CRTAP: variants seen among roughly 807,000 people sequenced by gnomAD.
The protein encoded by CRTAP is cartilage associated protein, also known as cartilage-associated protein.
A neutral mutation model predicts 42.7 loss-of-function variants in CRTAP; 33 were observed. The ratio of observed to expected loss-of-function variants is 0.77; its 90% CI spans 0.59 to 1.03. The LOEUF is 1.03. Ranked by LOEUF, CRTAP falls within the 50% of genes least tolerant of loss-of-function variation. CRTAP has a pLI of 0.00. For synonymous variants in CRTAP, 243 were observed against 217.7 expected (o/e 1.12, Z -1.02); for missense variants, 613 against 533.9 (o/e 1.15, Z -1.46).
chr3:33,115,177 C>G (rs1246125310), intron 1 of CRTAP: 1 of 152,262 alleles, frequency 6.6e-6, no homozygotes, highest in Non-Finnish European at 1.5e-5. Flanking sequence ...AACTCCCGGA[C>G]TCAAGTGATC....
intron 2 of CRTAP, among the ~76,000 whole-genome samples, chr3:33,122,019 C>T (rs989774923): frequency 1.1e-4 from 16 of 152,310 alleles, no homozygotes; most frequent in African/African-American, 2.2e-4. Flanking sequence ...ATTTCACTTC[C>T]TGCCTTTCCA....
chr3:33,126,982 A>G (rs2125601440), intron 3 of CRTAP, among the ~76,000 whole-genome samples: 1 of 152,302 alleles, frequency 6.6e-6, no homozygotes, highest in East Asian at 1.9e-4. Flanking sequence ...GAAACAACAG[A>G]GCAAAGGAAA....
At position 33,144,706 on chromosome 3, in the gene CRTAP, A is replaced by G. The variant is rs2030674860; in HGVS notation, c.*2258A>G. ...CAGCATGTCAGTGGCATTTAAAGCC[A>G]TGCAGCTGGAGGGGCCACTGAGATT... On this transcript the variant is annotated 3_prime_UTR_variant, in exon 7 of 7. Transcript: ENST00000320954. 1 of 152,228 alleles carries G rather than the reference A, an allele frequency of 6.6e-6. No individual in the cohort carries two copies. Among genetic ancestry groups the G allele is most frequent in the Admixed American group, 6.5e-5 (1 of 15,276 alleles). The allele number at this position is 152,228 out of a possible 1,614,324, so 9.4% of individuals were successfully genotyped here.
intron 5 of CRTAP, among the ~76,000 whole-genome samples, chr3:33,133,001 CCA>C (rs1439580076): frequency 6.5e-5 from 4 of 61,506 alleles, no homozygotes; most frequent in African/African-American, 3.8e-4. Context: ...TCGCTTGAAC[CCA>C]GGGGCAGAGG....
chr3:33,134,376 C>G, intron 6 of CRTAP, 111 bp downstream of exon 6: 1 of 772,868 alleles, frequency 1.3e-6, no homozygotes, highest in Admixed American at 1.9e-5. Flanking sequence ...ACAGAGGGGA[C>G]CTTGAGAAAG....
Position 33,129,974 on chromosome 3 carries a change from T to C in CRTAP, c.829T>C (p.Cys277Arg). 1 of 1,613,366 alleles carries C rather than the reference T, an allele frequency of 6.2e-7. No individual in the cohort carries two copies. The highest frequency in any genetic ancestry group is 1.1e-5 in the South Asian group (1 of 91,072). ...YVEVLECKIQ[C>R]EENLTPVIGG... ...AGAAGTTCTGGAATGCAAAATACAG[T>C]GTGAAGAGAACCTCACCCCAGTTAT... The change falls in exon 4 of 7, where the codon TGT becomes CGT. Residue 277 changes from cysteine to arginine, a missense_variant. Transcript: ENST00000320954.
At chr3:33,119,367 C>G (rs1559432616) in intron 1 of CRTAP, among the ~76,000 whole-genome samples, 1 of 152,092 alleles carries the variant, frequency 6.6e-6, no homozygotes, top group Non-Finnish European at 1.5e-5. Flanking sequence ...GATAGACGTA[C>G]CACTGAGATT....
At position 33,114,326 on chromosome 3, in the gene CRTAP, C is replaced by T. The variant is rs781058476; in HGVS notation, c.249C>T (p.Phe83=). 4 of 1,541,796 alleles carry T rather than the reference C, an allele frequency of 2.6e-6. No homozygotes were observed. The highest frequency in any genetic ancestry group is 8.7e-7 in the Non-Finnish European group (1 of 1,151,872). The change falls in exon 1 of 7, where the codon TTC becomes TTT. Residue 83 remains phenylalanine, a synonymous_variant. Coordinates refer to ENST00000320954, the MANE Select transcript of CRTAP (RefSeq NM_006371.5). ...LHRLLRDSEA[F]CHRNCSAAPQ... is the part of the protein sequence containing the mutation. ...GCTTGCTGCGCGACAGCGAGGCCTT[C>T]TGCCACCGCAACTGCAGCGCCGCGC...
At chr3:33,129,448 T>C (rs1221112625) in intron 3 of CRTAP, among the ~76,000 whole-genome samples, 2 of 152,138 alleles carry the variant, frequency 1.3e-5, no homozygotes, top group Admixed American at 1.3e-4. Flanking sequence ...ATATAGTGGA[T>C]GTTCATCTTT....
intron 2 of CRTAP, among the ~76,000 whole-genome samples, chr3:33,123,954 C>T (rs1165111900): frequency 2.0e-5 from 3 of 152,128 alleles, no homozygotes; most frequent in South Asian, 2.1e-4. Flanking sequence ...TATTTATATA[C>T]AATATATTTA....
Position 33,114,168 on chromosome 3 carries a change from T to A in CRTAP, c.91T>A (p.Tyr31Asn). 1 of 1,590,606 alleles carries A rather than the reference T, an allele frequency of 6.3e-7. No homozygotes were observed. Among genetic ancestry groups the A allele is most frequent in the Non-Finnish European group, 8.5e-7 (1 of 1,175,666 alleles). The stretch of plus-strand genomic sequence containing the variant: ...CGCCGGGCGCGCCCAATACGAACGC[T>A]ACAGCTTCCGCAGCTTCCCACGGGA... ...LRAGRAQYERYSFRSFPRDEL... is the reference protein window; with the variant it reads ...LRAGRAQYERNSFRSFPRDEL... Residue 31 changes from tyrosine to asparagine, a missense_variant, in exon 1 of 7, where the codon TAC (tyrosine) becomes AAC (asparagine). Transcript: ENST00000320954.
In CRTAP at chr3:33,144,825, G is replaced by A. The variant is rs1214004192; in HGVS notation, c.*2377G>A. On this transcript the variant is annotated 3_prime_UTR_variant, in exon 7 of 7. Coordinates refer to ENST00000320954, the MANE Select transcript of CRTAP (RefSeq NM_006371.5). ...GGGAAATCAGCCAAAGGACTGAGAA[G>A]GAGTTACCTTAAGGTCAGAGAAAAC... 2 of 152,262 alleles carry A rather than the reference G, an allele frequency of 1.3e-5. No homozygotes were observed. Among genetic ancestry groups the A allele is most frequent in the Non-Finnish European group, 2.9e-5 (2 of 68,078 alleles). 9.4% of individuals were successfully genotyped at this position (152,262 alleles called of 1,614,324 possible). A position where few individuals can be genotyped will look rare whatever the true frequency, so the allele number is the denominator to read the frequency against.
rs1335362688 is a variant in CRTAP, at chr3:33,132,710, G to A, written c.1068+10G>A. The A allele has an allele frequency of 6.2e-7, 1 of 1,613,446 alleles. No individual in the cohort carries two copies. The highest frequency in any genetic ancestry group is 1.3e-5 in the African/African-American group (1 of 74,888). On this transcript the variant is annotated intron_variant, in intron 5 of 6. Transcript: ENST00000320954. ...CTTCCAGCCCAGACCTGTAAGTCTG[G>A]TGCACCACACCTTCCCTTTTCTCTT...
chr3:33,129,987 T>C lies in CRTAP; in HGVS notation c.842T>C (p.Leu281Pro). 6.2e-7 allele frequency: 1 copy of C among 1,613,232 alleles called. No homozygotes were observed. The highest frequency in any genetic ancestry group is 8.5e-7 in the Non-Finnish European group (1 of 1,179,226). ...TGCAAAATACAGTGTGAAGAGAACC[T>C]CACCCCAGTTATAGGAGGCTATCCG... is the stretch of plus-strand genomic sequence containing the variant. ...LECKIQCEEN[L>P]TPVIGGYPVE... Residue 281 changes from leucine to proline, a missense_variant, in exon 4 of 7, where the codon CTC (leucine) becomes CCC (proline). Coordinates refer to ENST00000320954, the MANE Select transcript of CRTAP (RefSeq NM_006371.5).
At chr3:33,116,741 A>G (rs1214585258) in intron 1 of CRTAP, among the ~76,000 whole-genome samples, 1 of 152,210 alleles carries the variant, frequency 6.6e-6, no homozygotes, top group African/African-American at 2.4e-5. Flanking sequence ...AATGTTACTT[A>G]ATTGTTTCAA....
rs531556071 is a variant in CRTAP at position 33,143,418 on chromosome 3, C to G, written c.*970C>G. The G allele has an allele frequency of 1.3e-5, 2 of 152,358 alleles. No individual in the cohort carries two copies. The highest frequency in any genetic ancestry group is 4.1e-4 in the South Asian group (2 of 4,824). The allele number at this position is 152,358 out of a possible 1,614,324, so 9.4% of individuals were successfully genotyped here. A position where few individuals can be genotyped will look rare whatever the true frequency, so the allele number is the denominator to read the frequency against. On this transcript the variant is annotated 3_prime_UTR_variant, in exon 7 of 7. Transcript: ENST00000320954. ...ACGGTTGGCCGATCCCATTTGAGGA[C>G]AATGCTTAGTTATAAGTCTCCGAGT...
chr3:33,121,555 C>T (rs2125599166), intron 2 of CRTAP, among the ~76,000 whole-genome samples: 1 of 152,240 alleles, frequency 6.6e-6, no homozygotes, highest in East Asian at 1.9e-4. Flanking sequence ...GTGTGGAAGT[C>T]TCTTTTTGGG....
chr3:33,143,647 TC>T lies in CRTAP; in HGVS notation c.*1200del, dbSNP rs1575521599. 2 of 152,200 alleles carry T rather than the reference TC, an allele frequency of 1.3e-5. No individual in the cohort carries two copies. The highest frequency in any genetic ancestry group is 3.9e-4 in the East Asian group (2 of 5,180). 9.4% of individuals were successfully genotyped at this position (152,200 alleles called of 1,614,324 possible). On this transcript the variant is annotated 3_prime_UTR_variant, in exon 7 of 7. Transcript: ENST00000320954. Reference sequence around the variant, plus strand: ...CATAGGAATAAATATATACAAGGTATCATGTAGTGATAATTGCTGTGGAGAA... The same window carrying T: ...CATAGGAATAAATATATACAAGGTATATGTAGTGATAATTGCTGTGGAGAA...
chr3:33,122,484 G>T (rs2125599506), intron 2 of CRTAP, among the ~76,000 whole-genome samples: 1 of 152,058 alleles, frequency 6.6e-6, no homozygotes, highest in Admixed American at 6.6e-5. Context: ...CAAGGTGGGT[G>T]GATCACGAGG....
Sources: gnomAD v4.1 joint callset for allele counts (sites outside exome capture counted in the v4.1 genomes callset) on GRCh38, gnomAD v4.1.1 for gene constraint, MANE v1.5 for transcripts, NCBI Gene and HGNC (gene_info 2026-07-23, HGNC 2026-07-21) for gene names.